FOXP2: variants seen among roughly 807,000 people sequenced by gnomAD.
FOXP2 encodes the protein forkhead box P2, also known as forkhead box protein P2.
Under a neutral mutation model 115.8 loss-of-function variants are expected in FOXP2, and 12 were observed. The observed-to-expected ratio is 0.10, with a 90% CI of 0.07 to 0.17. The LOEUF (loss-of-function observed/expected upper bound fraction) is 0.17, where lower values mean the gene tolerates loss of function less well. Ranked by LOEUF, FOXP2 falls within the 10% of genes least tolerant of loss-of-function variation. The pLI, the probability that FOXP2 is intolerant of heterozygous loss-of-function variation, is 1.00. For missense variants in FOXP2, 629 were observed against 843.5 expected, an observed-to-expected ratio of 0.75 and a Z score of 3.15; for synonymous variants, 328 against 297.7, an observed-to-expected ratio of 1.10 and a Z score of -1.05.
intron 1 of FOXP2, among the ~76,000 whole-genome samples, chr7:114,422,339 T>A (rs1264802167): frequency 6.6e-6 from 1 of 151,756 alleles, no homozygotes; most frequent in African/African-American, 2.4e-5. Context: ...GAAGTCATTT[T>A]TTTTTCATCC....
chr7:114,132,288 A>C (rs1791900410), intron 1 of FOXP2, among the ~76,000 whole-genome samples: 1 of 152,020 alleles, frequency 6.6e-6, no homozygotes, highest in Non-Finnish European at 1.5e-5. Context: ...TCACATCATC[A>C]TCCACTCAGT....
intron 1 of FOXP2, among the ~76,000 whole-genome samples, chr7:114,417,534 T>G (rs1388275759): frequency 6.6e-6 from 1 of 151,976 alleles, no homozygotes; most frequent in Non-Finnish European, 1.5e-5. Flanking sequence ...GCTGATATTA[T>G]CGACATAAAT....
At position 114,631,524 on chromosome 7, in the gene FOXP2, CCAG is replaced by C; in HGVS notation, c.618_620del. ...GTTTACTGGTTTGGGTTTTCTGATA[CCAG>C]CAGCAGCAGCAGCAGCAGCAGCAAC... is the stretch of plus-strand genomic sequence containing the variant. On this transcript the variant is annotated splice_acceptor_variant and splice_polypyrimidine_tract_variant and intron_variant, in intron 5 of 16. Transcript: ENST00000350908. LOFTEE classifies it high-confidence loss of function. 1,398 of 1,456,508 alleles carry C rather than the reference CCAG, an allele frequency of 9.6e-4. 1 individual carries two copies. Among genetic ancestry groups the C allele is most frequent in the East Asian group, 1.0e-3 (37 of 36,684 alleles). The allele number at this position is 1,456,508 out of a possible 1,614,324, so 90.2% of individuals were successfully genotyped here. A position where few individuals can be genotyped will look rare whatever the true frequency, so the allele number is the denominator to read the frequency against.
At chr7:114,472,503 A>G (rs2129231273) in intron 2 of FOXP2, among the ~76,000 whole-genome samples, 1 of 151,862 alleles carries the variant, frequency 6.6e-6, no homozygotes, top group South Asian at 2.1e-4. Flanking sequence ...GTACCACCAC[A>G]CTTGGCTAAT....
At chr7:114,527,793 A>T (rs957360454) in intron 2 of FOXP2, among the ~76,000 whole-genome samples, 1 of 152,064 alleles carries the variant, frequency 6.6e-6, no homozygotes, top group Non-Finnish European at 1.5e-5. Context: ...GACTCCTCCT[A>T]GCCTTTACCT....
In FOXP2 at chr7:114,642,934, G is replaced by A. The variant is rs185804574; in HGVS notation, c.989+311G>A. Among the ~76,000 whole-genome samples, 929 of 148,594 alleles carry A rather than the reference G, an allele frequency of 6.3e-3. 8 individuals are homozygous for A. Among genetic ancestry groups the A allele is most frequent in the African/African-American group, 0.021 (857 of 40,498 alleles). On this transcript the variant is annotated intron_variant, in intron 7 of 16. Coordinates refer to ENST00000350908, the MANE Select transcript of FOXP2 (RefSeq NM_014491.4). ...TGCCATTCTCCTGCCCCAGCCTCCC[G>A]AGTAGCTGGGACTACAGGCGCCCGC...
At chr7:114,265,879 C>A (rs1418877860) in intron 1 of FOXP2, among the ~76,000 whole-genome samples, 1 of 152,094 alleles carries the variant, frequency 6.6e-6, no homozygotes, top group Non-Finnish European at 1.5e-5. Context: ...GTCCCCTGAG[C>A]CGAGGCTGGA....
intron 1 of FOXP2, among the ~76,000 whole-genome samples, chr7:114,244,307 TCA>T (rs139683569): frequency 0.042 from 6,329 of 152,262 alleles, 320 homozygotes; most frequent in African/African-American, 0.12. Context: ...CATACTTTAT[TCA>T]CAGTTTGTTA....
intron 2 of FOXP2, among the ~76,000 whole-genome samples, chr7:114,372,415 T>A (rs934231692): frequency 7.2e-5 from 11 of 152,152 alleles, no homozygotes; most frequent in African/African-American, 2.7e-4. Context: ...ATAATTAGGC[T>A]AGGACAACAT....
intron 2 of FOXP2, among the ~76,000 whole-genome samples, chr7:114,346,857 C>T (rs997714411): frequency 2.0e-5 from 3 of 151,802 alleles, no homozygotes; most frequent in Non-Finnish European, 2.9e-5. Context: ...AGGAGGAATA[C>T]ATTCTGGTGT....
chr7:114,349,671 CTGTG>C (rs66836962), intron 2 of FOXP2, among the ~76,000 whole-genome samples: 1 of 149,638 alleles, frequency 6.7e-6, no homozygotes, highest in African/African-American at 2.5e-5. Flanking sequence ...GTGTGTGTGT[CTGTG>C]TGTGTGTGTG....
intron 2 of FOXP2, among the ~76,000 whole-genome samples, chr7:114,526,651 G>A (rs1270211768): frequency 6.6e-6 from 1 of 152,000 alleles, no homozygotes; most frequent in Non-Finnish European, 1.5e-5. Flanking sequence ...TACCCTATAG[G>A]AACTGATATC....
chr7:114,481,070 T>C lies in FOXP2; in HGVS notation c.169-53547T>C, dbSNP rs763115647. On this transcript the variant is annotated intron_variant, in intron 2 of 16. Transcript: ENST00000350908. ...TTATGTGTTGCTAGAAACAACCTTTTATTCCAAATCTAATTTTCTTTCCAA... is the reference window on the plus strand; with the variant it reads ...TTATGTGTTGCTAGAAACAACCTTTCATTCCAAATCTAATTTTCTTTCCAA... 4.6e-5 allele frequency among the ~76,000 whole-genome samples: 7 copies of C among 151,486 alleles called. No individual in the cohort carries two copies. In the East Asian group the frequency reaches 7.7e-4, roughly 17 times the overall value.
At chr7:114,447,156 A>G (rs1015523371) in intron 2 of FOXP2, among the ~76,000 whole-genome samples, 5 of 151,902 alleles carry the variant, frequency 3.3e-5, no homozygotes, top group African/African-American at 9.7e-5. Flanking sequence ...TCTATTACCA[A>G]TCATTTTCAA....
In FOXP2 at chr7:114,690,013, A is replaced by T. The variant is rs552139805; in HGVS notation, c.*87A>T. The T allele has an allele frequency of 4.0e-6, 6 of 1,508,364 alleles. No homozygotes were observed. The African/African-American group carries it at 6.9e-5, about 17-fold the overall frequency. The allele number at this position is 1,508,364 out of a possible 1,614,324, so 93.4% of individuals were successfully genotyped here. On this transcript the variant is annotated 3_prime_UTR_variant, in exon 17 of 17. Transcript: ENST00000350908. ...AACCATGAATATTTGACAAATTTTT[A>T]CTGTGACTATTTATTAAGCATGGAT...
At chr7:114,535,116 G>A (rs931899162) in intron 3 of FOXP2, among the ~76,000 whole-genome samples, 8 of 151,672 alleles carry the variant, frequency 5.3e-5, no homozygotes, top group African/African-American at 1.9e-4. Context: ...AGTGACAAAT[G>A]CAGAAAACTT....
chr7:114,628,494 T>G (rs1230377064), intron 3 of FOXP2, 46 bp from the exon 4 acceptor site: 1 of 1,612,340 alleles, frequency 6.2e-7, no homozygotes, highest in Non-Finnish European at 8.5e-7. Context: ...TAACAGATAT[T>G]TGGTTATGAC....
chr7:114,404,937 G>C (rs888571699), intron 2 of FOXP2, among the ~76,000 whole-genome samples: 1 of 151,914 alleles, frequency 6.6e-6, no homozygotes, highest in Non-Finnish European at 1.5e-5. Flanking sequence ...TAATGAGCAG[G>C]TATCATAAAA....
At chr7:114,570,766 T>G in intron 3 of FOXP2, 1 of 1,482,814 alleles carries the variant, frequency 6.7e-7, no homozygotes, top group South Asian at 1.1e-5. Flanking sequence ...GCCTTAAGAT[T>G]GAAAAAAAAG....
Sources: gnomAD v4.1 joint callset for allele counts (sites outside exome capture counted in the v4.1 genomes callset) on GRCh38, gnomAD v4.1.1 for gene constraint, MANE v1.5 for transcripts, NCBI Gene and HGNC (gene_info 2026-07-23, HGNC 2026-07-21) for gene names.